CEP170: variants seen among roughly 807,000 people sequenced by gnomAD.
The protein encoded by CEP170 is centrosomal protein of 170 kDa.
In CEP170, 21 loss-of-function variants were observed where a neutral mutation model predicts 151.9. The ratio of observed to expected loss-of-function variants is 0.14; its 90% CI spans 0.10 to 0.20. The LOEUF is 0.20. Ranked by LOEUF, CEP170 falls within the 10% of genes least tolerant of loss-of-function variation. CEP170 has a pLI of 1.00. For synonymous variants in CEP170, 356 were observed against 648.8 expected (o/e 0.55, Z 6.86); for missense variants, 964 against 1,892.9 (o/e 0.51, Z 9.11).
At position 243,126,134 on chromosome 1, in the gene CEP170, G is replaced by A. The variant is rs777713532; in HGVS notation, c.*315C>T. 7 of 470,714 alleles carry A rather than the reference G, an allele frequency of 1.5e-5. No individual in the cohort carries two copies. Among genetic ancestry groups the A allele is most frequent in the South Asian group, 7.7e-5 (5 of 64,672 alleles). The allele number at this position is 470,714 out of a possible 1,614,324, so 29.2% of individuals were successfully genotyped here. A position where few individuals can be genotyped will look rare whatever the true frequency, so the allele number is the denominator to read the frequency against. ...TAGTTTGCTTGTAGGTCACAGCATG[G>A]CTTAAAAAAAAGAAAAAAGATCTAT... On this transcript the variant is annotated 3_prime_UTR_variant, in exon 20 of 20. Coordinates refer to ENST00000366542, the MANE Select transcript of CEP170 (RefSeq NM_014812.3).
chr1:243,154,667 G>T (rs1004450433), intron 14 of CEP170, among the ~76,000 whole-genome samples: 3 of 152,218 alleles, frequency 2.0e-5, no homozygotes, highest in Non-Finnish European at 4.4e-5. Context: ...TGTTCTTAAA[G>T]TCCTGCCATA....
At chr1:243,211,609 T>C (rs1209918306) in intron 4 of CEP170, 1 of 289,296 alleles carries the variant, frequency 3.5e-6, no homozygotes, top group Non-Finnish European at 6.5e-6. Context: ...ATGCTCAAAT[T>C]ATATATGCAA....
At chr1:243,245,575 G>T (rs2065299377) in intron 1 of CEP170, among the ~76,000 whole-genome samples, 1 of 152,048 alleles carries the variant, frequency 6.6e-6, no homozygotes, top group Non-Finnish European at 1.5e-5. Flanking sequence ...TTAGCCAGGT[G>T]TGGTGGTGTG....
chr1:243,253,390 ATGGACCTTGAGTTTCGTTTGGCTC>A (rs1174191640), intron 1 of CEP170: 1 of 152,210 alleles, frequency 6.6e-6, no homozygotes, highest in African/African-American at 2.4e-5. Flanking sequence ...ACTCTGCAGA[ATGGACCTTGAGTTTCGTTTGGCTC>A]TGCCTTCGAT....
chr1:243,190,236 T>C (rs1174452152), intron 8 of CEP170, among the ~76,000 whole-genome samples: 1 of 152,176 alleles, frequency 6.6e-6, no homozygotes. Flanking sequence ...TCAAAATCGT[T>C]TTCCTTATAG....
In CEP170 at chr1:243,125,568, A is replaced by G. The variant is rs531109495; in HGVS notation, c.*881T>C. ...GACCAATATACATGTTCTGAGTTTT[A>G]AAAATATACTCCACCTAAACTATCT... On this transcript the variant is annotated 3_prime_UTR_variant, in exon 20 of 20. Transcript: ENST00000366542. The G allele has an allele frequency of 1.5e-3, 225 of 153,134 alleles. No homozygotes were observed. The highest frequency in any genetic ancestry group is 3.0e-3 in the Admixed American group (46 of 15,386). 9.5% of individuals were successfully genotyped at this position (153,134 alleles called of 1,614,324 possible). A position where few individuals can be genotyped will look rare whatever the true frequency, so the allele number is the denominator to read the frequency against.
At chr1:243,152,752 C>T (rs2057226958) in intron 14 of CEP170, among the ~76,000 whole-genome samples, 1 of 151,816 alleles carries the variant, frequency 6.6e-6, no homozygotes, top group Admixed American at 6.6e-5. Flanking sequence ...AGGATGGTCT[C>T]TATCTCCTGA....
chr1:243,212,206 T>C (rs2061871307), intron 3 of CEP170, among the ~76,000 whole-genome samples: 1 of 152,188 alleles, frequency 6.6e-6, no homozygotes, highest in African/African-American at 2.4e-5. Flanking sequence ...TTTAGGCACT[T>C]AGAATAGTTC....
intron 3 of CEP170, among the ~76,000 whole-genome samples, chr1:243,220,331 T>C (rs573261243): frequency 1.3e-5 from 2 of 152,152 alleles, no homozygotes; most frequent in South Asian, 4.1e-4. Flanking sequence ...AGCATCAATC[T>C]GGAAAGGTGG....
At chr1:243,231,500 TATA>T (rs2063756483) in intron 1 of CEP170, among the ~76,000 whole-genome samples, 1 of 152,198 alleles carries the variant, frequency 6.6e-6, no homozygotes, top group African/African-American at 2.4e-5. Flanking sequence ...AAGCAATAAT[TATA>T]ATATGTTACT....
chr1:243,178,984 T>C (rs1285785967), intron 10 of CEP170, among the ~76,000 whole-genome samples: 2 of 152,220 alleles, frequency 1.3e-5, no homozygotes, highest in African/African-American at 4.8e-5. Flanking sequence ...CCCAAAGTGC[T>C]GGGATTACAG....
chr1:243,208,489 CT>C (rs1428938626), intron 4 of CEP170, among the ~76,000 whole-genome samples: 2 of 152,062 alleles, frequency 1.3e-5, no homozygotes, highest in African/African-American at 2.4e-5. Flanking sequence ...ATGTTCTTTG[CT>C]GGCTCCAACC....
chr1:243,134,447 C>T (rs1408249603), intron 17 of CEP170, among the ~76,000 whole-genome samples: 2 of 151,992 alleles, frequency 1.3e-5, no homozygotes, highest in Admixed American at 1.3e-4. Flanking sequence ...ACACCTTCAA[C>T]ATTATTTATA....
upstream of CEP170, chr1:243,255,452 ACCTC>A (rs1260861920): frequency 6.5e-6 from 1 of 153,858 alleles, no homozygotes; most frequent in African/African-American, 2.4e-5. Flanking sequence ...AATGAAGAGG[ACCTC>A]GGCGTTAGGT....
chr1:243,133,766 T>C (rs2054704284), intron 17 of CEP170, among the ~76,000 whole-genome samples: 2 of 152,200 alleles, frequency 1.3e-5, no homozygotes. Flanking sequence ...GAAGTAAACC[T>C]AGGAATGATG....
chr1:243,137,559 G>A (rs1287652163), intron 16 of CEP170, among the ~76,000 whole-genome samples: 3 of 152,000 alleles, frequency 2.0e-5, no homozygotes, highest in African/African-American at 4.8e-5. Context: ...GGTGGATCAC[G>A]AGGTCAGGAG....
At chr1:243,254,244 C>CAGAG (rs1398824572) in intron 1 of CEP170, 1 of 151,904 alleles carries the variant, frequency 6.6e-6, no homozygotes, top group East Asian at 1.9e-4. Flanking sequence ...CACCACCGAA[C>CAGAG]AGAGATTCTG....
chr1:243,161,234 C>G (rs1246917388), intron 13 of CEP170, among the ~76,000 whole-genome samples: 1 of 149,302 alleles, frequency 6.7e-6, no homozygotes, highest in African/African-American at 2.5e-5. Flanking sequence ...ATCCAGGAGG[C>G]AGAGGTTGCA....
At chr1:243,152,286 A>G (rs2148423126) in intron 14 of CEP170, among the ~76,000 whole-genome samples, 1 of 147,036 alleles carries the variant, frequency 6.8e-6, no homozygotes, top group Admixed American at 6.9e-5. Flanking sequence ...CAGTGGCGCC[A>G]TCTCGGGTCA....
Sources: allele counts gnomAD v4.1 joint callset (sites outside exome capture counted in the v4.1 genomes callset), GRCh38; gene constraint gnomAD v4.1.1; transcripts MANE v1.5; gene names NCBI Gene and HGNC (gene_info 2026-07-23, HGNC 2026-07-21).